Variants in PDE9A observed in about 807,000 individuals in gnomAD.
The protein encoded by PDE9A is high affinity cGMP-specific 3',5'-cyclic phosphodiesterase 9A.
Under a neutral mutation model 87.4 loss-of-function variants are expected in PDE9A, and 60 were observed. The ratio of observed to expected loss-of-function variants is 0.69; its 90% CI spans 0.56 to 0.85. PDE9A has a LOEUF of 0.85. Among genes scored for constraint, PDE9A ranks in the 40% least tolerant of loss-of-function variants. PDE9A has a pLI of 0.00. For synonymous variants in PDE9A, 272 were observed against 279.4 expected (o/e 0.97, Z 0.27); for missense variants, 665 against 779.0 (o/e 0.85, Z 1.74).
rs1187178577 is a variant in PDE9A at position 42,759,888 on chromosome 21, AAT to A, written c.898-437_898-436del. On this transcript the variant is annotated intron_variant, in intron 11 of 19. Coordinates refer to ENST00000291539, the MANE Select transcript of PDE9A (RefSeq NM_002606.3). This position sits in a 1 kb window ranked among gnomAD's most constrained non-coding sequence, Gnocchi z 7.2. ...GTGCATGTGGGTGTCTGCCTGTGTGAATATGTTTGGCAGCAGGTTTTTTTAAT... is the reference window on the plus strand; with the variant it reads ...GTGCATGTGGGTGTCTGCCTGTGTGAATGTTTGGCAGCAGGTTTTTTTAAT... 6.6e-6 allele frequency among the ~76,000 whole-genome samples: 1 copy of A among 151,616 alleles called. No individual in the cohort carries two copies. Among genetic ancestry groups the A allele is most frequent in the Non-Finnish European group, 1.5e-5 (1 of 67,858 alleles).
At chr21:42,743,883 G>A (rs1232180104) in intron 8 of PDE9A, 23 bp downstream of exon 8, 49 of 1,452,996 alleles carry the variant, frequency 3.4e-5, no homozygotes, top group Non-Finnish European at 4.2e-5. Context: ...CTGGGGCCAC[G>A]GGCGGCCGGG....
chr21:42,658,663 G>T (rs1601855946), intron 1 of PDE9A, among the ~76,000 whole-genome samples: 1 of 152,208 alleles, frequency 6.6e-6, no homozygotes, highest in Admixed American at 6.5e-5. Context: ...TCCTCTCCAG[G>T]TTTCTCGGCT....
chr21:42,764,983 G>GTGGGTGGA (rs1555953799), intron 14 of PDE9A, among the ~76,000 whole-genome samples: 29 of 118,406 alleles, frequency 2.4e-4, no homozygotes, highest in Admixed American at 1.3e-3. Context: ...GGGTGGGTGG[G>GTGGGTGGA]TGGATGGATG....
In PDE9A at chr21:42,689,214, C is replaced by A. The variant is rs116399938; in HGVS notation, c.218+1220C>A. ...TCAGCGAGGTCCCAGTGGACGTGTC[C>A]AGAGCTGTCCTGGTCAGCCGTCCTC... On this transcript the variant is annotated intron_variant, in intron 3 of 19. Coordinates refer to ENST00000291539, the MANE Select transcript of PDE9A (RefSeq NM_002606.3). 8.1e-3 allele frequency among the ~76,000 whole-genome samples: 1,232 copies of A among 152,360 alleles called. 11 individuals carry two copies. Among genetic ancestry groups the A allele is most frequent in the African/African-American group, 0.028 (1,173 of 41,578 alleles).
At chr21:42,667,643 G>A (rs2058096662) in intron 1 of PDE9A, among the ~76,000 whole-genome samples, 1 of 152,118 alleles carries the variant, frequency 6.6e-6, no homozygotes, top group South Asian at 2.1e-4. Flanking sequence ...TGGGTTTTAT[G>A]CAAGTTCGGA....
At chr21:42,658,317 G>A (rs572057627) in intron 1 of PDE9A, among the ~76,000 whole-genome samples, 5 of 152,324 alleles carry the variant, frequency 3.3e-5, no homozygotes, top group South Asian at 4.1e-4. Context: ...AGGGAATGTC[G>A]CTCCCTGCTG....
In PDE9A at chr21:42,696,304, G is replaced by C. The variant is rs1287341379; in HGVS notation, c.219-2664G>C. Among the ~76,000 whole-genome samples, 1 of 152,196 alleles carries C rather than the reference G, an allele frequency of 6.6e-6. No individual in the cohort carries two copies. The highest frequency in any genetic ancestry group is 2.4e-5 in the African/African-American group (1 of 41,456). ...GCCGGCACTGTGTGGGATCCATGCT[G>C]TTCTCCCTCCAGCCCTTGCCCCACC... On this transcript the variant is annotated intron_variant, in intron 3 of 19. Transcript: ENST00000291539. This position sits in a 1 kb window ranked among gnomAD's most constrained non-coding sequence, Gnocchi z 5.1.
At chr21:42,728,335 A>G (rs1206986837) in intron 4 of PDE9A, among the ~76,000 whole-genome samples, 1 of 152,228 alleles carries the variant, frequency 6.6e-6, no homozygotes, top group Non-Finnish European at 1.5e-5. Flanking sequence ...CTGTAAGGTT[A>G]TGGTTGATGC....
chr21:42,773,353 T>C (rs1355813211), intron 19 of PDE9A, among the ~76,000 whole-genome samples: 1 of 152,000 alleles, frequency 6.6e-6, no homozygotes, highest in African/African-American at 2.4e-5. Context: ...GTATCACTTA[T>C]AAGAGTAAGT....
intron 4 of PDE9A, among the ~76,000 whole-genome samples, chr21:42,727,655 G>C (rs987914362): frequency 3.3e-5 from 5 of 151,934 alleles, no homozygotes; most frequent in African/African-American, 9.7e-5. Context: ...TATAATTTCA[G>C]TGTCTACATG....
rs2048794793 is a variant in PDE9A at position 42,705,972 on chromosome 21, A to G, written c.262+6961A>G. Among the ~76,000 whole-genome samples, 1 of 152,214 alleles carries G rather than the reference A, an allele frequency of 6.6e-6. No individual in the cohort carries two copies. The highest frequency in any genetic ancestry group is 1.9e-4 in the East Asian group (1 of 5,180). On this transcript the variant is annotated intron_variant, in intron 4 of 19. Coordinates refer to ENST00000291539, the MANE Select transcript of PDE9A (RefSeq NM_002606.3). This position sits in a 1 kb window ranked among gnomAD's most constrained non-coding sequence, Gnocchi z 4.3. ...CAGCTTTATTGGCGTTGCTGTTTCCATAGAAGGACAATAAAAGGGGGCCAT... is the reference window on the plus strand; with the variant it reads ...CAGCTTTATTGGCGTTGCTGTTTCCGTAGAAGGACAATAAAAGGGGGCCAT...
At chr21:42,689,855 G>A (rs966564067) in intron 3 of PDE9A, 3 of 985,364 alleles carry the variant, frequency 3.0e-6, no homozygotes, top group Non-Finnish European at 3.6e-6. Flanking sequence ...ACGTGGACAG[G>A]GGAGCAGTGG....
At chr21:42,666,357 G>T (rs1354217080) in intron 1 of PDE9A, among the ~76,000 whole-genome samples, 1 of 152,178 alleles carries the variant, frequency 6.6e-6, no homozygotes, top group African/African-American at 2.4e-5. Flanking sequence ...GTGAGGCTGT[G>T]GGGAAGGAGG....
chr21:42,672,068 A>C (rs2058592378), intron 1 of PDE9A, among the ~76,000 whole-genome samples: 1 of 152,264 alleles, frequency 6.6e-6, no homozygotes, highest in Admixed American at 6.5e-5. Flanking sequence ...TCTAGGATAG[A>C]GAAAATAAAA....
At chr21:42,684,085 G>A (rs1024888069) in intron 1 of PDE9A, among the ~76,000 whole-genome samples, 1 of 152,362 alleles carries the variant, frequency 6.6e-6, no homozygotes, top group South Asian at 2.1e-4. Context: ...GAAGTCAAAC[G>A]CAGATTCCTA....
chr21:42,725,343 G>A (rs1205686581), intron 4 of PDE9A, among the ~76,000 whole-genome samples: 2 of 152,008 alleles, frequency 1.3e-5, no homozygotes, highest in African/African-American at 4.8e-5. Flanking sequence ...GGGTTCAAGC[G>A]ATTCTCCTGC....
In PDE9A at chr21:42,702,673, G is replaced by A. The variant is rs2048471730; in HGVS notation, c.262+3662G>A. ...TTTGAGCCCCACCTTTAAGCTTTGTGAGAATGGCTCTAGAGGGCCCTTACC... is the reference window on the plus strand; with the variant it reads ...TTTGAGCCCCACCTTTAAGCTTTGTAAGAATGGCTCTAGAGGGCCCTTACC... On this transcript the variant is annotated intron_variant, in intron 4 of 19. Transcript: ENST00000291539. The surrounding 1 kb of genome is among the most constrained non-coding windows in gnomAD (Gnocchi z 4.9). Among the ~76,000 whole-genome samples, 1 of 152,250 alleles carries A rather than the reference G, an allele frequency of 6.6e-6. No homozygotes were observed. The highest frequency in any genetic ancestry group is 1.9e-4 in the East Asian group (1 of 5,206).
intron 8 of PDE9A, among the ~76,000 whole-genome samples, chr21:42,747,025 G>A (rs938878241): frequency 2.6e-5 from 4 of 152,136 alleles, no homozygotes; most frequent in Non-Finnish European, 4.4e-5. Flanking sequence ...AAGCGTTGTC[G>A]ACACATTGAG....
Position 42,717,556 on chromosome 21 carries a change from A to AATT in PDE9A, c.263-14214_263-14213insATT, listed in dbSNP as rs57825675. On this transcript the variant is annotated intron_variant, in intron 4 of 19. Coordinates refer to ENST00000291539, the MANE Select transcript of PDE9A (RefSeq NM_002606.3). ...GAGACTCCATCTCAAAAAAAAAAAA[A>AATT]TTTTTTTGTATTTTTAGTAGAGACG... 6.0e-5 allele frequency among the ~76,000 whole-genome samples: 9 copies of AATT among 149,264 alleles called. No individual in the cohort carries two copies. In the South Asian group the frequency reaches 8.7e-4, roughly 14 times the overall value.
Sources: gnomAD v4.1 joint callset for allele counts (sites outside exome capture counted in the v4.1 genomes callset) on GRCh38, gnomAD v4.1.1 for gene constraint, Gnocchi (gnomAD v3.1) non-coding constraint, MANE v1.5 for transcripts, NCBI Gene and HGNC (gene_info 2026-07-23, HGNC 2026-07-21) for gene names.